LRRTM4: variants seen among roughly 807,000 people sequenced by gnomAD.
LRRTM4 encodes leucine rich repeat transmembrane neuronal 4.
A neutral mutation model predicts 47.6 loss-of-function variants in LRRTM4; 25 were observed. The ratio of observed to expected loss-of-function variants is 0.53; its 90% CI spans 0.38 to 0.73. The LOEUF is 0.73. Ranked by LOEUF, LRRTM4 falls within the 30% of genes least tolerant of loss-of-function variation. LRRTM4 has a pLI of 0.00. For missense variants in LRRTM4, 638 were observed against 713.4 expected (o/e 0.89, Z 1.20); for synonymous variants, 311 against 269.5 (o/e 1.15, Z -1.51).
intron 3 of LRRTM4, among the ~76,000 whole-genome samples, chr2:77,247,056 A>G (rs576785679): frequency 1.3e-5 from 2 of 152,150 alleles, no homozygotes; most frequent in South Asian, 2.1e-4. Flanking sequence ...TCTGTGATCT[A>G]TGCAATTTTT....
intron 3 of LRRTM4, among the ~76,000 whole-genome samples, chr2:76,798,386 T>C (rs1273598208): frequency 1.3e-5 from 2 of 151,818 alleles, no homozygotes; most frequent in East Asian, 3.9e-4. Context: ...CAAATAAGGA[T>C]GTTCTTTGAA....
chr2:77,492,876 C>A (rs1221864555), intron 3 of LRRTM4, among the ~76,000 whole-genome samples: 1 of 151,916 alleles, frequency 6.6e-6, no homozygotes, highest in East Asian at 1.9e-4. Flanking sequence ...TTTTAATGCC[C>A]AAATCTCATG....
At chr2:77,281,438 T>A (rs1676503553) in intron 3 of LRRTM4, among the ~76,000 whole-genome samples, 1 of 152,004 alleles carries the variant, frequency 6.6e-6, no homozygotes, top group Non-Finnish European at 1.5e-5. Context: ...TTTTGCTTGC[T>A]ATCTCCAAAC....
intron 3 of LRRTM4, among the ~76,000 whole-genome samples, chr2:77,422,428 A>G (rs955534227): frequency 6.6e-6 from 1 of 152,200 alleles, no homozygotes; most frequent in Admixed American, 6.5e-5. Context: ...AGCAAGTTGC[A>G]ATTTGTTAAA....
At chr2:76,804,665 TA>T (rs1199118841) in intron 3 of LRRTM4, among the ~76,000 whole-genome samples, 1 of 147,868 alleles carries the variant, frequency 6.8e-6, no homozygotes, top group African/African-American at 2.4e-5. Flanking sequence ...AAATATATAG[TA>T]TAAAAAATAT....
chr2:77,350,122 AC>A (rs1671704917), intron 3 of LRRTM4, among the ~76,000 whole-genome samples: 1 of 151,184 alleles, frequency 6.6e-6, no homozygotes, highest in Non-Finnish European at 1.5e-5. Context: ...GGAGATCGAG[AC>A]CATCCTGGCT....
chr2:76,760,515 T>C (rs750444826), intron 3 of LRRTM4, among the ~76,000 whole-genome samples: 3 of 152,020 alleles, frequency 2.0e-5, no homozygotes, highest in Non-Finnish European at 2.9e-5. Context: ...GTAGCTTCCA[T>C]ATACAGACAG....
rs183719554 is a variant in LRRTM4 at position 77,335,870 on chromosome 2, T to C, written c.1551+182448A>G. 1.4e-3 allele frequency among the ~76,000 whole-genome samples: 210 copies of C among 152,218 alleles called. 1 individual carries two copies. Among genetic ancestry groups the C allele is most frequent in the Admixed American group, 3.7e-3 (57 of 15,266 alleles). On this transcript the variant is annotated intron_variant, in intron 3 of 3. Coordinates refer to ENST00000409884, the MANE Select transcript of LRRTM4 (RefSeq NM_001134745.3). Reference sequence around the variant, plus strand: ...CAAACTATTTCTCAGAAGAGGTAGATAGCAAATATTGTAGGCTTCATGGAC... The same window carrying C: ...CAAACTATTTCTCAGAAGAGGTAGACAGCAAATATTGTAGGCTTCATGGAC...
At chr2:77,184,611 G>A (rs1030956) in intron 3 of LRRTM4, among the ~76,000 whole-genome samples, 103,412 of 151,952 alleles carry the variant, frequency 0.68, 35,578 homozygotes, top group African/African-American at 0.8. Flanking sequence ...AAAGGAGTTC[G>A]AGTTTGTCCT....
intron 3 of LRRTM4, among the ~76,000 whole-genome samples, chr2:76,898,278 T>C (rs930435735): frequency 6.6e-6 from 1 of 152,172 alleles, no homozygotes; most frequent in Non-Finnish European, 1.5e-5. Flanking sequence ...CAATTTTAAA[T>C]GGAATTTTGC....
chr2:77,232,797 T>C (rs1313609419), intron 3 of LRRTM4, among the ~76,000 whole-genome samples: 2 of 152,198 alleles, frequency 1.3e-5, no homozygotes, highest in East Asian at 3.8e-4. Flanking sequence ...TAAAATGTCC[T>C]TGATATAAAT....
chr2:77,187,176 A>G (rs1285201732), intron 3 of LRRTM4, among the ~76,000 whole-genome samples: 3 of 152,128 alleles, frequency 2.0e-5, no homozygotes, highest in Non-Finnish European at 4.4e-5. Context: ...GGATGTTTGG[A>G]TAAAAGCCCC....
At chr2:76,794,421 ACCAGATATT>A (rs1312508691) in intron 3 of LRRTM4, among the ~76,000 whole-genome samples, 1 of 152,182 alleles carries the variant, frequency 6.6e-6, no homozygotes, top group Non-Finnish European at 1.5e-5. Context: ...AATCGGCTTT[ACCAGATATT>A]CCAGCTATTT....
Position 76,801,039 on chromosome 2 carries a change from A to G in LRRTM4, c.1552-52123T>C, listed in dbSNP as rs550434221. Among the ~76,000 whole-genome samples the G allele has an allele frequency of 3.1e-3, 459 of 147,962 alleles. 4 individuals are homozygous for G. The highest frequency in any genetic ancestry group is 0.011 in the African/African-American group (435 of 39,486). ...CAGGTGCTGGAGCGGATGTGGAGAA[A>G]TAGGAACACTTTTACACTGTTGGTG... On this transcript the variant is annotated intron_variant, in intron 3 of 3. Coordinates refer to ENST00000409884, the MANE Select transcript of LRRTM4 (RefSeq NM_001134745.3).
chr2:76,869,316 A>C (rs1672557356), intron 3 of LRRTM4, among the ~76,000 whole-genome samples: 1 of 152,156 alleles, frequency 6.6e-6, no homozygotes, highest in East Asian at 1.9e-4. Context: ...TCAAAGAAAA[A>C]AAAAAATGTA....
chr2:77,099,705 T>C (rs1407590750), intron 3 of LRRTM4, among the ~76,000 whole-genome samples: 1 of 152,022 alleles, frequency 6.6e-6, no homozygotes, highest in Non-Finnish European at 1.5e-5. Flanking sequence ...GACCAACATG[T>C]GTGAATGTCT....
intron 3 of LRRTM4, among the ~76,000 whole-genome samples, chr2:77,255,156 A>C (rs9973349): frequency 0.18 from 27,565 of 151,928 alleles, 7,278 homozygotes; most frequent in African/African-American, 0.58. Flanking sequence ...CACTTCATGG[A>C]AAACAAAACT....
intron 3 of LRRTM4, among the ~76,000 whole-genome samples, chr2:77,160,460 A>G (rs1490798100): frequency 6.6e-6 from 1 of 151,896 alleles, no homozygotes; most frequent in Non-Finnish European, 1.5e-5. Context: ...TTTAGTGTTG[A>G]ACTTATAGAT....
chr2:77,465,523 C>T (rs1458928477), intron 3 of LRRTM4, among the ~76,000 whole-genome samples: 1 of 152,060 alleles, frequency 6.6e-6, no homozygotes, highest in East Asian at 1.9e-4. Context: ...AAGCAAACAT[C>T]AGAAGAGATC....
Sources: gnomAD v4.1 joint callset for allele counts (sites outside exome capture counted in the v4.1 genomes callset) on GRCh38, gnomAD v4.1.1 for gene constraint, MANE v1.5 for transcripts, NCBI Gene and HGNC (gene_info 2026-07-23, HGNC 2026-07-21) for gene names.